DCST2: variants seen among roughly 807,000 people sequenced by gnomAD.
DCST2 encodes DC-STAMP domain-containing protein 2.
Under a neutral mutation model 81.8 loss-of-function variants are expected in DCST2, and 64 were observed. The observed-to-expected ratio is 0.78, with a 90% CI of 0.64 to 0.96. DCST2 has a LOEUF of 0.96. Ranked by LOEUF, DCST2 falls within the 40% of genes least tolerant of loss-of-function variation. The probability of loss-of-function intolerance (pLI) is 0.00; values close to 1 mark genes in which losing one functional copy is unlikely to be tolerated. For synonymous variants in DCST2, 354 were observed against 402.6 expected (o/e 0.88, Z 1.44); for missense variants, 945 against 1,001.4 (o/e 0.94, Z 0.76).
rs780052583 is a variant in DCST2, at chr1:155,033,588, C to T, written c.114G>A (p.Thr38=). 28 of 1,614,032 alleles carry T rather than the reference C, an allele frequency of 1.7e-5. 1 individual carries two copies. In the South Asian group the frequency reaches 2.4e-4, roughly 14 times the overall value. The part of the protein sequence containing the change: ...GGFTLGLSLA[T]AYGLLELLVE... The stretch of plus-strand genomic sequence containing the variant: ...CCAGTAGCTCCAGAAGCCCGTAGGC[C>T]GTGGCTAAAGACAAGCCCAGGGTAA... The change falls in exon 1 of 15, where the codon ACG becomes ACA. Residue 38 remains threonine, a synonymous_variant. Transcript: ENST00000368424.
intron 2 of DCST2, 47 bp from the exon 3 acceptor site, chr1:155,032,815 G>A: frequency 6.5e-7 from 1 of 1,545,226 alleles, no homozygotes; most frequent in Non-Finnish European, 8.9e-7. Flanking sequence ...TCCTCTAGGG[G>A]CTGGTTCTCA....
chr1:155,018,730 C>T lies in DCST2; in HGVS notation c.2136G>A (p.Gln712=). The T allele has an allele frequency of 6.2e-7, 1 of 1,613,598 alleles. No homozygotes were observed. Among genetic ancestry groups the T allele is most frequent in the South Asian group, 1.1e-5 (1 of 91,062 alleles). Reference sequence around the variant, plus strand: ...GTAAGGGCTGCTGCCCGTGCTTCCTCTGCTGAGGCCCCTTCTCCTCATCCA... The same window carrying T: ...GTAAGGGCTGCTGCCCGTGCTTCCTTTGCTGAGGCCCCTTCTCCTCATCCA... ...SDLDEEKGPQ[Q]RKHGQQPLPE... The change falls in exon 15 of 15, where the codon CAG becomes CAA. Residue 712 remains glutamine, a synonymous_variant. Transcript: ENST00000368424.
In DCST2 at chr1:155,031,693, A is replaced by C. The variant is rs766769037; in HGVS notation, c.620T>G (p.Leu207Arg). The C allele has an allele frequency of 6.2e-7, 1 of 1,614,150 alleles. No homozygotes were observed. The highest frequency in any genetic ancestry group is 1.1e-5 in the South Asian group (1 of 91,088). ...ATCATCGAAAACCCGTGCACACTTCAGGTAAGGGTTGCCCAGTTCCGAGTT... is the reference window on the plus strand; with the variant it reads ...ATCATCGAAAACCCGTGCACACTTCCGGTAAGGGTTGCCCAGTTCCGAGTT... Reference protein sequence around the residue: ...VCNSELGNPYLKCARVFDDAK... With the variant: ...VCNSELGNPYRKCARVFDDAK... The change falls in exon 4 of 15, where the codon CTG (leucine) becomes CGG (arginine). Residue 207 changes from leucine to arginine, a missense_variant. Transcript: ENST00000368424.
intron 8 of DCST2, among the ~76,000 whole-genome samples, chr1:155,027,888 G>C (rs1369737048): frequency 6.7e-6 from 1 of 150,294 alleles, no homozygotes; most frequent in African/African-American, 2.4e-5. Flanking sequence ...TGGCTTACCA[G>C]GCACTCGACA....
Position 155,018,639 on chromosome 1 carries a change from A to T in DCST2, c.2227T>A (p.Ser743Thr), listed in dbSNP as rs768075327. The T allele has an allele frequency of 2.5e-6, 4 of 1,613,672 alleles. No homozygotes were observed. The South Asian group carries it at 4.4e-5, about 18-fold the overall frequency. ...PEPHRPPETS[S>T]ATKGAPTPAS... ...GGAGTGGGGGCTCCTTTAGTGGCGG[A>T]GGATGTCTCAGGTGGTCTGTGGGGC... is the stretch of plus-strand genomic sequence containing the variant. The change falls in exon 15 of 15, where the codon TCC becomes ACC. Residue 743 changes from serine to threonine, a missense_variant. Coordinates refer to ENST00000368424, the MANE Select transcript of DCST2 (RefSeq NM_144622.3).
At chr1:155,019,840 C>T (rs1208838766) in intron 14 of DCST2, among the ~76,000 whole-genome samples, 3 of 152,242 alleles carry the variant, frequency 2.0e-5, no homozygotes, top group Admixed American at 2.0e-4. Context: ...GGGCCTTTGA[C>T]GCTACCTGGA....
chr1:155,025,936 TG>T (rs1329496626), intron 10 of DCST2, among the ~76,000 whole-genome samples: 2 of 151,806 alleles, frequency 1.3e-5, no homozygotes, highest in African/African-American at 4.8e-5. Flanking sequence ...TATAACTCCT[TG>T]CCTCAAGCAG....
chr1:155,026,301 C>T lies in DCST2; in HGVS notation c.1611+1G>A, dbSNP rs1249171300. 6.2e-7 allele frequency: 1 copy of T among 1,613,686 alleles called. No individual in the cohort carries two copies. On this transcript the variant is annotated splice_donor_variant, in intron 10 of 14. Transcript: ENST00000368424. LOFTEE classifies it high-confidence loss of function. Reference sequence around the variant, plus strand: ...CTAGCTCCCAGCCCCGGACCCCTCACCTGCTCCCGGGATGGGTAGTAGGAG... The same window carrying T: ...CTAGCTCCCAGCCCCGGACCCCTCATCTGCTCCCGGGATGGGTAGTAGGAG...
chr1:155,029,272 G>C lies in DCST2; in HGVS notation c.1303C>G (p.Leu435Val). The C allele has an allele frequency of 1.2e-6, 2 of 1,613,982 alleles. No individual in the cohort carries two copies. The highest frequency in any genetic ancestry group is 8.5e-7 in the Non-Finnish European group (1 of 1,179,950). The change falls in exon 8 of 15, where the codon CTG (leucine) becomes GTG (valine). Residue 435 changes from leucine to valine, a missense_variant. By Grantham distance (32) the Leu-to-Val change is conservative (BLOSUM62 1). Transcript: ENST00000368424. ...LDYAVFWVLDLARHQLQGEIV... is the reference protein window; with the variant it reads ...LDYAVFWVLDVARHQLQGEIV... ...TCCCCCTGCAGCTGGTGCCGGGCCA[G>C]GTCAAGCACCCAGAAGACAGCATAG...
chr1:155,031,735 T>G lies in DCST2; in HGVS notation c.578A>C (p.His193Pro), dbSNP rs780907912. Residue 193 changes from histidine to proline, a missense_variant, in exon 4 of 15, where the codon CAC (histidine) becomes CCC (proline). Coordinates refer to ENST00000368424, the MANE Select transcript of DCST2 (RefSeq NM_144622.3). The part of the protein sequence containing the change: ...ALRNVWQWLL[H>P]IGDVCNSELG... ...TTCCGAGTTGCACACATCGCCGATGTGCAGGAGCCACTGCCACACATTCCG... is the reference window on the plus strand; with the variant it reads ...TTCCGAGTTGCACACATCGCCGATGGGCAGGAGCCACTGCCACACATTCCG... 6.2e-7 allele frequency: 1 copy of G among 1,613,694 alleles called. No homozygotes were observed. The highest frequency in any genetic ancestry group is 8.5e-7 in the Non-Finnish European group (1 of 1,179,992).
chr1:155,031,019 G>T (rs1003539466), intron 5 of DCST2, 150 bp downstream of exon 5: 1 of 826,882 alleles, frequency 1.2e-6, no homozygotes, highest in Non-Finnish European at 1.9e-6. Context: ...GTACAGCATG[G>T]ATATGGGCCT....
chr1:155,030,939 T>C (rs1303136711), intron 5 of DCST2: 3 of 614,488 alleles, frequency 4.9e-6, no homozygotes, highest in African/African-American at 3.7e-5. Flanking sequence ...CCTGGTTCTG[T>C]TCCCAGCTCC....
At position 155,033,676 on chromosome 1, in the gene DCST2, A is replaced by C. The variant is rs1660177625; in HGVS notation, c.26T>G (p.Val9Gly). ...AGGCTCCTCTCCCCCCAAGGGGTGC[A>C]CAACATCCTTCATGACTTTGGGCAT... MPKVMKDV[V>G]HPLGGEEPSM... The change falls in exon 1 of 15, where the codon GTG becomes GGG. Residue 9 changes from valine to glycine, a missense_variant. Transcript: ENST00000368424. The C allele has an allele frequency of 6.2e-7, 1 of 1,614,026 alleles. No individual in the cohort carries two copies.
intron 14 of DCST2, among the ~76,000 whole-genome samples, 173 bp downstream of exon 14, chr1:155,022,944 G>A (rs1659792131): frequency 6.6e-6 from 1 of 152,098 alleles, no homozygotes; most frequent in Non-Finnish European, 1.5e-5. Context: ...GCTCCTCCTG[G>A]GCCACGGTGC....
chr1:155,031,515 T>TGGGCC, intron 4 of DCST2, 59 bp downstream of exon 4: 3 of 643,126 alleles, frequency 4.7e-6, no homozygotes, highest in Non-Finnish European at 8.7e-6. Context: ...ACCCCCACAT[T>TGGGCC]CCCACCCCAC....
intron 5 of DCST2, 40 bp downstream of exon 5, chr1:155,031,129 C>T (rs115933407): frequency 0.024 from 37,696 of 1,573,988 alleles, 516 homozygotes; most frequent in Non-Finnish European, 0.027. Context: ...GGAGGGAGAC[C>T]ACTAGGGAGC....
At chr1:155,023,283 C>T in intron 13 of DCST2, 26 bp from the exon 14 acceptor site, 1 of 1,613,962 alleles carries the variant, frequency 6.2e-7, no homozygotes, top group Non-Finnish European at 8.5e-7. Flanking sequence ...ATCTCAGTGG[C>T]CTGCAGACAT....
intron 2 of DCST2, 111 bp from the exon 3 acceptor site, chr1:155,032,879 A>G: frequency 8.8e-7 from 1 of 1,138,052 alleles, no homozygotes; most frequent in Non-Finnish European, 1.3e-6. Flanking sequence ...CAGAGGCGGG[A>G]AGCCTGGATT....
chr1:155,033,373 A>G (rs1039525314), intron 1 of DCST2, 61 bp downstream of exon 1: 1 of 1,593,678 alleles, frequency 6.3e-7, no homozygotes, highest in Admixed American at 1.7e-5. Context: ...CTCCTCCAGC[A>G]TCTCTTCTGC....
Sources: gnomAD v4.1 joint callset for allele counts (sites outside exome capture counted in the v4.1 genomes callset) on GRCh38, gnomAD v4.1.1 for gene constraint, MANE v1.5 for transcripts, NCBI Gene and HGNC (gene_info 2026-07-23, HGNC 2026-07-21) for gene names.